ZC3H12B: variants seen among roughly 807,000 people sequenced by gnomAD.
ZC3H12B encodes zinc finger CCCH-type containing 12B, also known as probable ribonuclease ZC3H12B.
A neutral mutation model predicts 43.9 loss-of-function variants in ZC3H12B; 7 were observed. The ratio of observed to expected loss-of-function variants is 0.16; its 90% confidence interval spans 0.09 to 0.30. The LOEUF (loss-of-function observed/expected upper bound fraction) is 0.30, where lower values mean the gene tolerates loss of function less well. Ranked by LOEUF, ZC3H12B falls within the 10% of genes least tolerant of loss-of-function variation. The pLI is 1.00. For missense variants in ZC3H12B, 475 were observed against 670.2 expected, an observed-to-expected ratio of 0.71 and a Z score of 3.22; for synonymous variants, 222 against 241.7, an observed-to-expected ratio of 0.92 and a Z score of 0.76.
At chrX:65,179,441 G>A in the ZC3H12B span, among the ~76,000 whole-genome samples, 2 of 109,074 alleles carry the variant, frequency 1.8e-5, no homozygotes, top group Non-Finnish European at 3.8e-5. Flanking sequence ...GGCTAGAGAA[G>A]CAAGGGCAAA....
At chrX:65,086,575 C>T in the ZC3H12B span, among the ~76,000 whole-genome samples, 2 of 111,265 alleles carry the variant, frequency 1.8e-5, no homozygotes, top group African/African-American at 6.5e-5. Flanking sequence ...AGGTTATAAG[C>T]ACAGAGTTTT....
chrX:65,491,658 G>A (rs2068204474), intron 1 of ZC3H12B, among the ~76,000 whole-genome samples: 1 of 106,055 alleles, frequency 9.4e-6, no homozygotes, highest in Non-Finnish European at 1.9e-5. Flanking sequence ...AGTGAGCAGT[G>A]ATCTCGCCAC....
chrX:65,328,477 C>A, the ZC3H12B span: 11 of 249,066 alleles, frequency 4.4e-5, no homozygotes, highest in Non-Finnish European at 3.1e-5. Flanking sequence ...CTTCAGGAAT[C>A]TTTACTTTAT....
the ZC3H12B span, among the ~76,000 whole-genome samples, chrX:65,065,312 C>T: frequency 9.0e-6 from 1 of 111,711 alleles, no homozygotes; most frequent in Non-Finnish European, 1.9e-5. Context: ...GTGCTTCCTT[C>T]AGGAGCTCTT....
the ZC3H12B span, among the ~76,000 whole-genome samples, chrX:65,093,218 GT>G: frequency 2.1e-4 from 23 of 111,919 alleles, no homozygotes; most frequent in Admixed American, 5.7e-4. Context: ...TTCAGAAGAT[GT>G]ATGGAAAAGC....
chrX:65,246,221 C>G, the ZC3H12B span, among the ~76,000 whole-genome samples: 2 of 110,951 alleles, frequency 1.8e-5, no homozygotes, highest in Non-Finnish European at 3.8e-5. Flanking sequence ...TGAAAGGTCT[C>G]TATGGGAGAA....
At chrX:65,320,619 G>A in the ZC3H12B span, among the ~76,000 whole-genome samples, 2 of 112,158 alleles carry the variant, frequency 1.8e-5, no homozygotes, top group Non-Finnish European at 3.8e-5. Flanking sequence ...AACAAAGCTG[G>A]AAGCATCATG....
the ZC3H12B span, among the ~76,000 whole-genome samples, chrX:65,154,007 A>G: frequency 5.4e-5 from 6 of 110,446 alleles, no homozygotes; most frequent in East Asian, 1.1e-3. Context: ...GCATATTCTC[A>G]CTCATAGGTG....
chrX:65,145,727 T>A, the ZC3H12B span, among the ~76,000 whole-genome samples: 1 of 111,476 alleles, frequency 9.0e-6, no homozygotes, highest in African/African-American at 3.3e-5. Flanking sequence ...GAATGTATAT[T>A]TCCTTCATTT....
At chrX:65,484,870 A>T (rs1005574943), upstream of ZC3H12B, among the ~76,000 whole-genome samples, 1 of 112,250 alleles carries the variant, frequency 8.9e-6, no homozygotes, top group Non-Finnish European at 1.9e-5. Flanking sequence ...AAATTTCCCT[A>T]TGCAAACGCA....
chrX:65,198,516 T>C, the ZC3H12B span, among the ~76,000 whole-genome samples: 1 of 112,078 alleles, frequency 8.9e-6, no homozygotes. Context: ...GCATATACTA[T>C]TCTGAGATAA....
chrX:65,354,712 T>G, the ZC3H12B span, among the ~76,000 whole-genome samples: 1 of 111,086 alleles, frequency 9.0e-6, no homozygotes. Flanking sequence ...CTAAGAACCT[T>G]GAAAAAAGGT....
chrX:65,102,556 A>G, the ZC3H12B span, among the ~76,000 whole-genome samples: 524 of 112,232 alleles, frequency 4.7e-3, no homozygotes, highest in East Asian at 0.024. Flanking sequence ...ACAGAAATCA[A>G]TGTGCAAAAA....
chrX:65,224,049 A>G, the ZC3H12B span, among the ~76,000 whole-genome samples: 16 of 112,579 alleles, frequency 1.4e-4, no homozygotes, highest in Non-Finnish European at 2.3e-4. Context: ...ATGGAACCAG[A>G]CCAAATGCCC....
At chrX:65,056,577 G>T in the ZC3H12B span, among the ~76,000 whole-genome samples, 1 of 111,796 alleles carries the variant, frequency 8.9e-6, no homozygotes, top group African/African-American at 3.3e-5. Context: ...TTGATTTGGG[G>T]TGGAGAGTTC....
chrX:65,192,051 A>G, the ZC3H12B span, among the ~76,000 whole-genome samples: 1,313 of 109,921 alleles, frequency 0.012, 10 homozygotes, highest in Non-Finnish European at 0.018. Context: ...CCTTCATTTC[A>G]TTATGTACCC....
the ZC3H12B span, among the ~76,000 whole-genome samples, chrX:65,236,858 G>A: frequency 3.6e-3 from 403 of 111,726 alleles, no homozygotes; most frequent in African/African-American, 0.012. Flanking sequence ...GATGGTTGTA[G>A]GTGTGTTGTT....
At chrX:65,493,822 TTTAAGCAAAAAC>T (rs1732831873) in intron 1 of ZC3H12B, among the ~76,000 whole-genome samples, 1 of 111,788 alleles carries the variant, frequency 8.9e-6, no homozygotes, top group South Asian at 3.8e-4. Context: ...ATTGTATGTG[TTTAAGCAAAAAC>T]AAGCCACTTG....
the ZC3H12B span, among the ~76,000 whole-genome samples, chrX:65,160,662 T>C: frequency 5.4e-5 from 6 of 111,939 alleles, no homozygotes; most frequent in Non-Finnish European, 1.1e-4. Flanking sequence ...TTCTTCTTTA[T>C]TAGTCTTGCT....
Sources: allele counts gnomAD v4.1 joint callset (sites outside exome capture counted in the v4.1 genomes callset), GRCh38; gene constraint gnomAD v4.1.1; transcripts MANE v1.5; gene names NCBI Gene and HGNC (gene_info 2026-07-23, HGNC 2026-07-21).